XIRP2: variants seen among roughly 807,000 people sequenced by gnomAD.
XIRP2 encodes the protein xin actin-binding repeat-containing protein 2.
In XIRP2, 236 loss-of-function variants were observed where a neutral mutation model predicts 277.0. The ratio of observed to expected loss-of-function variants is 0.85; its 90% CI spans 0.77 to 0.95. The LOEUF (loss-of-function observed/expected upper bound fraction) is 0.95, where lower values mean the gene tolerates loss of function less well. Ranked by LOEUF, XIRP2 falls within the 40% of genes least tolerant of loss-of-function variation. XIRP2 has a pLI of 0.00. For synonymous variants in XIRP2, 1,490 were observed against 1,416.5 expected, an observed-to-expected ratio of 1.05 and a Z score of -1.17; for missense variants, 4,640 against 4,157.5, an observed-to-expected ratio of 1.12 and a Z score of -3.19.
At chr2:167,095,107 G>A (rs1418289782) in intron 2 of XIRP2, among the ~76,000 whole-genome samples, 1 of 151,794 alleles carries the variant, frequency 6.6e-6, no homozygotes, top group Non-Finnish European at 1.5e-5. Context: ...TCATGATTTG[G>A]CTTTGTTTGT....
intron 2 of XIRP2, among the ~76,000 whole-genome samples, chr2:167,066,280 A>G (rs1168690375): frequency 6.6e-6 from 1 of 151,860 alleles, no homozygotes; most frequent in Non-Finnish European, 1.5e-5. Flanking sequence ...TGCTGCTTCT[A>G]TGTGTTTGAC....
chr2:167,243,916 T>C lies in XIRP2; in HGVS notation c.2524T>C (p.Cys842Arg), dbSNP rs1559038310. ...AATAGGTACAGATGTCTCCAGAAAG[T>C]GTTGGATGTTTGAAACCCAGCCATT... is the stretch of plus-strand genomic sequence containing the variant. ...KIIGTDVSRKCWMFETQPLDI... is the reference protein window; with the variant it reads ...KIIGTDVSRKRWMFETQPLDI... The change falls in exon 9 of 11, where the codon TGT (cysteine) becomes CGT (arginine). Residue 842 changes from cysteine to arginine, a missense_variant. Coordinates refer to ENST00000409195, the MANE Select transcript of XIRP2 (RefSeq NM_152381.6). 6.2e-7 allele frequency: 1 copy of C among 1,613,852 alleles called. No homozygotes were observed. Among genetic ancestry groups the C allele is most frequent in the Admixed American group, 1.7e-5 (1 of 59,978 alleles).
At chr2:167,094,645 C>T (rs550493713) in intron 2 of XIRP2, among the ~76,000 whole-genome samples, 4 of 152,276 alleles carry the variant, frequency 2.6e-5, no homozygotes, top group African/African-American at 9.6e-5. Context: ...GGTGTTATTT[C>T]TGAGGCCTCT....
In XIRP2 at chr2:167,163,640, T is replaced by G. The variant is rs528047526; in HGVS notation, c.562+27578T>G. On this transcript the variant is annotated intron_variant, in intron 3 of 10. Coordinates refer to ENST00000409195, the MANE Select transcript of XIRP2 (RefSeq NM_152381.6). ...ATTTATTTTTATTAGTCTTGTTTAATGAGCAGAAGTTGTTAATTTTTATCA... is the reference window on the plus strand; with the variant it reads ...ATTTATTTTTATTAGTCTTGTTTAAGGAGCAGAAGTTGTTAATTTTTATCA... 3.3e-5 allele frequency among the ~76,000 whole-genome samples: 5 copies of G among 152,366 alleles called. No homozygotes were observed. In the East Asian group the frequency reaches 9.6e-4, roughly 29 times the overall value.
At chr2:167,253,666 A>G (rs2105452503) in intron 9 of XIRP2, among the ~76,000 whole-genome samples, 1 of 151,812 alleles carries the variant, frequency 6.6e-6, no homozygotes. Flanking sequence ...AGAGCTCCCC[A>G]TTGCTGAGTA....
At chr2:167,025,249 T>G (rs1688117813) in intron 2 of XIRP2, among the ~76,000 whole-genome samples, 1 of 152,176 alleles carries the variant, frequency 6.6e-6, no homozygotes, top group Admixed American at 6.5e-5. Flanking sequence ...CGAAGAGGTG[T>G]TTGTAGTATT....
intron 2 of XIRP2, among the ~76,000 whole-genome samples, chr2:167,106,945 T>C (rs910373403): frequency 6.6e-6 from 1 of 151,200 alleles, no homozygotes; most frequent in African/African-American, 2.4e-5. Context: ...TATTGTATTA[T>C]TAATTTCAAT....
chr2:167,125,660 C>G (rs919764381), intron 2 of XIRP2, among the ~76,000 whole-genome samples: 1 of 152,112 alleles, frequency 6.6e-6, no homozygotes, highest in Non-Finnish European at 1.5e-5. Flanking sequence ...ACTACATTTC[C>G]TCATTTTTCG....
intron 3 of XIRP2, among the ~76,000 whole-genome samples, chr2:167,178,227 T>C (rs1455562259): frequency 6.6e-6 from 1 of 152,136 alleles, no homozygotes; most frequent in Non-Finnish European, 1.5e-5. Context: ...CAGTTACCTA[T>C]ATTAAAAAGG....
intron 2 of XIRP2, among the ~76,000 whole-genome samples, chr2:166,910,962 A>C (rs1177491023): frequency 1.3e-5 from 2 of 152,172 alleles, no homozygotes; most frequent in Non-Finnish European, 2.9e-5. Context: ...GTTTGATTGC[A>C]CTGTGGTCTG....
At position 167,248,353 on chromosome 2, in the gene XIRP2, G is replaced by GA. The variant is rs553644411; in HGVS notation, c.6968dup (p.Asn2323LysfsTer15). On this transcript the variant is annotated frameshift_variant, in exon 9 of 11. Coordinates refer to ENST00000409195, the MANE Select transcript of XIRP2 (RefSeq NM_152381.6). LOFTEE classifies it high-confidence loss of function. ...TCCACCTCCTTTGATGATGTTTCCT[G>GA]AAAAAAATGGGTTTCTTCCCTCACT... The GA allele has an allele frequency of 2.5e-3, 4,108 of 1,613,370 alleles. 9 individuals are homozygous for GA. Among genetic ancestry groups the GA allele is most frequent in the Non-Finnish European group, 3.2e-3 (3,761 of 1,179,728 alleles).
chr2:167,076,675 G>T (rs1689581285), intron 2 of XIRP2, among the ~76,000 whole-genome samples: 1 of 152,164 alleles, frequency 6.6e-6, no homozygotes, highest in African/African-American at 2.4e-5. Flanking sequence ...TGAATTGATT[G>T]TATGTTCAAA....
At chr2:167,027,377 G>T (rs1432860965) in intron 2 of XIRP2, among the ~76,000 whole-genome samples, 4 of 151,984 alleles carry the variant, frequency 2.6e-5, no homozygotes, top group South Asian at 2.1e-4. Context: ...GGACTTCTCT[G>T]CATTGGCTAT....
intron 2 of XIRP2, among the ~76,000 whole-genome samples, chr2:166,939,766 A>T (rs1181298440): frequency 6.6e-6 from 1 of 151,966 alleles, no homozygotes; most frequent in African/African-American, 2.4e-5. Flanking sequence ...AGAACGTTGA[A>T]TATTGGCCCC....
intron 2 of XIRP2, among the ~76,000 whole-genome samples, chr2:167,019,067 T>C (rs543363670): frequency 6.6e-6 from 1 of 152,138 alleles, no homozygotes; most frequent in African/African-American, 2.4e-5. Context: ...AAAGGAGGTC[T>C]AGTTAGGTTA....
chr2:167,182,179 C>T (rs558215546), intron 3 of XIRP2, among the ~76,000 whole-genome samples: 1 of 152,272 alleles, frequency 6.6e-6, no homozygotes, highest in African/African-American at 2.4e-5. Flanking sequence ...GCTTACATGA[C>T]ACTTGAATGG....
intron 3 of XIRP2, among the ~76,000 whole-genome samples, chr2:167,166,642 G>T (rs1169513186): frequency 6.6e-6 from 1 of 152,110 alleles, no homozygotes; most frequent in East Asian, 1.9e-4. Flanking sequence ...AAGTCACGTG[G>T]CAAGAGAGAG....
At chr2:167,081,575 C>G (rs908690091) in intron 2 of XIRP2, among the ~76,000 whole-genome samples, 1 of 152,166 alleles carries the variant, frequency 6.6e-6, no homozygotes, top group Non-Finnish European at 1.5e-5. Context: ...AAAAACTATT[C>G]TCACAATAAA....
chr2:167,010,937 G>T (rs1687658889), intron 2 of XIRP2, among the ~76,000 whole-genome samples: 1 of 152,088 alleles, frequency 6.6e-6, no homozygotes, highest in Non-Finnish European at 1.5e-5. Context: ...CTGAGACTTT[G>T]CTGAAGTTGC....
Sources: allele counts gnomAD v4.1 joint callset (sites outside exome capture counted in the v4.1 genomes callset), GRCh38; gene constraint gnomAD v4.1.1; transcripts MANE v1.5; gene names NCBI Gene and HGNC (gene_info 2026-07-23, HGNC 2026-07-21).